The following NCKAP5 variants were observed in gnomAD, a reference collection of about 807,000 sequenced individuals.
The protein encoded by NCKAP5 is nck-associated protein 5.
NCKAP5 carries 92 observed loss-of-function variants against 167.0 expected under a neutral mutation model. The ratio of observed to expected loss-of-function variants is 0.55; its 90% CI spans 0.47 to 0.66. NCKAP5 has a LOEUF of 0.66. Among genes scored for constraint, NCKAP5 ranks in the 30% least tolerant of loss-of-function variants. NCKAP5 has a pLI of 0.00. For synonymous variants in NCKAP5, 891 were observed against 877.4 expected (o/e 1.02, Z -0.27); for missense variants, 2,378 against 2,315.0 (o/e 1.03, Z -0.56).
At chr2:133,537,263 T>C (rs1488465414) in intron 2 of NCKAP5, among the ~76,000 whole-genome samples, 1 of 152,124 alleles carries the variant, frequency 6.6e-6, no homozygotes, top group Non-Finnish European at 1.5e-5. Flanking sequence ...ATTTTCAAGA[T>C]GATTTGGCTG....
chr2:133,052,669 G>T (rs1180743512), intron 6 of NCKAP5, among the ~76,000 whole-genome samples: 1 of 150,814 alleles, frequency 6.6e-6, no homozygotes, highest in Non-Finnish European at 1.5e-5. Context: ...AGTGAGATGA[G>T]ATTGTGCCAC....
At chr2:133,221,782 T>C (rs1487697216) in intron 4 of NCKAP5, among the ~76,000 whole-genome samples, 1 of 152,356 alleles carries the variant, frequency 6.6e-6, no homozygotes, top group Non-Finnish European at 1.5e-5. Context: ...ACAAATTACA[T>C]AGGAGAACAG....
the NCKAP5 span, among the ~76,000 whole-genome samples, chr2:133,665,872 T>C: frequency 0.044 from 6,640 of 152,250 alleles, 342 homozygotes; most frequent in East Asian, 0.18. Context: ...CTTATGAATA[T>C]AGCATTTTTG....
At chr2:133,272,419 T>C (rs1160115091) in intron 4 of NCKAP5, among the ~76,000 whole-genome samples, 2 of 152,176 alleles carry the variant, frequency 1.3e-5, no homozygotes, top group Non-Finnish European at 2.9e-5. Context: ...AGGACTACTT[T>C]ACTATGAGCA....
At chr2:133,557,058 T>A (rs1687791092) in intron 2 of NCKAP5, among the ~76,000 whole-genome samples, 1 of 152,162 alleles carries the variant, frequency 6.6e-6, no homozygotes. Context: ...AGCAACAGAA[T>A]ACAAACCACA....
chr2:133,588,563 T>C, the NCKAP5 span, among the ~76,000 whole-genome samples: 1 of 152,068 alleles, frequency 6.6e-6, no homozygotes, highest in Non-Finnish European at 1.5e-5. Context: ...GAGCACCTTC[T>C]GGGAGCCACG....
At chr2:133,378,246 T>C (rs1338116046) in intron 3 of NCKAP5, among the ~76,000 whole-genome samples, 1 of 152,026 alleles carries the variant, frequency 6.6e-6, no homozygotes, top group Non-Finnish European at 1.5e-5. Flanking sequence ...TCCAAATGAG[T>C]GAAGTTTAGA....
At chr2:133,415,083 G>C (rs1228227859) in intron 3 of NCKAP5, among the ~76,000 whole-genome samples, 2 of 152,202 alleles carry the variant, frequency 1.3e-5, no homozygotes, top group African/African-American at 4.8e-5. Flanking sequence ...TTATGTCTCA[G>C]ATTGATTCAG....
chr2:132,820,811 G>A (rs966576679), intron 11 of NCKAP5, among the ~76,000 whole-genome samples: 1 of 152,140 alleles, frequency 6.6e-6, no homozygotes, highest in East Asian at 1.9e-4. Context: ...ACATACAAGG[G>A]TTTATTTTCC....
chr2:133,667,383 G>A, the NCKAP5 span, among the ~76,000 whole-genome samples: 10,480 of 151,918 alleles, frequency 0.069, 705 homozygotes, highest in East Asian at 0.18. Flanking sequence ...TCAGCTTACA[G>A]GATGTCTGCT....
chr2:133,176,864 C>T (rs1476292450), intron 5 of NCKAP5, among the ~76,000 whole-genome samples: 1 of 152,120 alleles, frequency 6.6e-6, no homozygotes, highest in East Asian at 1.9e-4. Context: ...AGACTCCACC[C>T]CACTTCCCCA....
chr2:132,966,531 C>T (rs752128720), intron 7 of NCKAP5, among the ~76,000 whole-genome samples: 12 of 152,158 alleles, frequency 7.9e-5, no homozygotes, highest in Non-Finnish European at 1.8e-4. Flanking sequence ...GTTATGTTCT[C>T]TAAAATTTTC....
intron 3 of NCKAP5, among the ~76,000 whole-genome samples, chr2:133,469,939 C>A (rs1205307208): frequency 6.6e-6 from 1 of 150,838 alleles, no homozygotes; most frequent in Non-Finnish European, 1.5e-5. Flanking sequence ...TTTTCAACTT[C>A]TTTGCCTTTG....
intron 1 of NCKAP5, among the ~76,000 whole-genome samples, chr2:133,567,657 CTGTGTGTGTGTGTGTGTGTGTGTGTGTG>C (rs3050985): frequency 7.6e-6 from 1 of 130,900 alleles, no homozygotes; most frequent in Admixed American, 7.7e-5. Flanking sequence ...ATGAATGAGC[CTGTGTGTGTGTGTGTGTGTGTGTGTGTG>C]TGTGTGTGTG....
At chr2:132,709,206 A>T (rs1322187892) in intron 19 of NCKAP5, among the ~76,000 whole-genome samples, 1 of 152,118 alleles carries the variant, frequency 6.6e-6, no homozygotes, top group African/African-American at 2.4e-5. Flanking sequence ...CCCAACACAA[A>T]AATTCTTGAG....
chr2:132,935,159 T>C (rs1696744820), intron 8 of NCKAP5, among the ~76,000 whole-genome samples: 1 of 152,216 alleles, frequency 6.6e-6, no homozygotes, highest in Non-Finnish European at 1.5e-5. Flanking sequence ...CAGGAACTCA[T>C]GTGAGAAATT....
the NCKAP5 span, among the ~76,000 whole-genome samples, chr2:133,609,132 T>C: frequency 2.6e-5 from 4 of 152,230 alleles, no homozygotes; most frequent in Non-Finnish European, 1.5e-5. Flanking sequence ...ATCAGAATTC[T>C]ATAACTTCAT....
At chr2:133,033,135 C>T (rs777988751) in intron 6 of NCKAP5, among the ~76,000 whole-genome samples, 1 of 152,222 alleles carries the variant, frequency 6.6e-6, no homozygotes, top group South Asian at 2.1e-4. Flanking sequence ...TCACTCCACT[C>T]CCAGCTTTAG....
intron 8 of NCKAP5, among the ~76,000 whole-genome samples, chr2:132,879,212 T>C (rs1026313683): frequency 2.6e-5 from 4 of 152,222 alleles, no homozygotes; most frequent in Non-Finnish European, 4.4e-5. Context: ...GATTACAATG[T>C]TTATTTTATT....
Sources: gnomAD v4.1 joint callset for allele counts (sites outside exome capture counted in the v4.1 genomes callset) on GRCh38, gnomAD v4.1.1 for gene constraint, MANE v1.5 for transcripts, NCBI Gene and HGNC (gene_info 2026-07-23, HGNC 2026-07-21) for gene names.